THSD7B: variants seen among roughly 807,000 people sequenced by gnomAD.
The protein encoded by THSD7B is thrombospondin type-1 domain-containing protein 7B.
THSD7B carries 138 observed loss-of-function variants against 213.6 expected under a neutral mutation model. That is an observed-to-expected ratio of 0.65 (90% CI 0.56 to 0.74). THSD7B has a LOEUF of 0.74. Among genes scored for constraint, THSD7B ranks in the 30% least tolerant of loss-of-function variants. The pLI is 0.00. For synonymous variants in THSD7B, 742 were observed against 687.0 expected, an observed-to-expected ratio of 1.08 and a Z score of -1.25; for missense variants, 1,931 against 1,991.5, an observed-to-expected ratio of 0.97 and a Z score of 0.58.
chr2:136,917,680 A>C (rs1056322678), intron 2 of THSD7B, among the ~76,000 whole-genome samples: 4 of 152,174 alleles, frequency 2.6e-5, no homozygotes, highest in African/African-American at 7.2e-5. Context: ...ACATCATATA[A>C]ATTATTTAAG....
chr2:137,008,488 A>G (rs1320534017), intron 2 of THSD7B, among the ~76,000 whole-genome samples: 2 of 152,182 alleles, frequency 1.3e-5, no homozygotes, highest in African/African-American at 4.8e-5. Context: ...TTTATGACCT[A>G]TTGGACAATC....
intron 17 of THSD7B, among the ~76,000 whole-genome samples, chr2:137,592,577 A>G (rs1416476405): frequency 1.3e-5 from 2 of 151,864 alleles, no homozygotes; most frequent in Non-Finnish European, 2.9e-5. Flanking sequence ...TTATTCCTAA[A>G]TCACTTCTCA....
chr2:136,895,989 A>G (rs1683953077), intron 2 of THSD7B, among the ~76,000 whole-genome samples: 1 of 152,234 alleles, frequency 6.6e-6, no homozygotes, highest in Admixed American at 6.5e-5. Flanking sequence ...TGGATATAAC[A>G]CATTTAAAAA....
chr2:136,792,765 T>C (rs1465974657), intron 1 of THSD7B, among the ~76,000 whole-genome samples: 1 of 152,044 alleles, frequency 6.6e-6, no homozygotes, highest in East Asian at 1.9e-4. Flanking sequence ...AAATAACCAT[T>C]GATCTTTTTC....
chr2:137,544,815 T>G (rs1680677378), intron 15 of THSD7B, among the ~76,000 whole-genome samples: 2 of 151,832 alleles, frequency 1.3e-5, no homozygotes. Flanking sequence ...AAAGACTTCT[T>G]TTTTTGGAGG....
chr2:137,520,782 A>G (rs1173083137), intron 15 of THSD7B, among the ~76,000 whole-genome samples: 1 of 152,264 alleles, frequency 6.6e-6, no homozygotes, highest in Non-Finnish European at 1.5e-5. Flanking sequence ...ATTCAACATT[A>G]AATTGCAATT....
chr2:137,160,367 AGGTGAGT>A lies in THSD7B; in HGVS notation c.1525+1_1525+7del. The A allele has an allele frequency of 6.2e-7, 1 of 1,611,374 alleles. No homozygotes were observed. The highest frequency in any genetic ancestry group is 1.1e-5 in the South Asian group (1 of 90,462). ...ACTGTCATGATCCTCAGGGGAAAAA[AGGTGAGT>A]GCCTTGTTTGCATGCGCTTCATTTG... On this transcript the variant is annotated splice_donor_variant and splice_donor_5th_base_variant and coding_sequence_variant and intron_variant, in exon 6 of 28. Coordinates refer to ENST00000409968, the MANE Select transcript of THSD7B (RefSeq NM_001316349.2). LOFTEE classifies it high-confidence loss of function.
intron 1 of THSD7B, among the ~76,000 whole-genome samples, chr2:136,786,442 A>G (rs1012734511): frequency 1.3e-5 from 2 of 151,790 alleles, no homozygotes; most frequent in Non-Finnish European, 2.9e-5. Flanking sequence ...AGAGCTGCCT[A>G]TTTTTTAATG....
chr2:137,439,231 G>C (rs1241120997), intron 14 of THSD7B, among the ~76,000 whole-genome samples: 1 of 151,982 alleles, frequency 6.6e-6, no homozygotes, highest in Non-Finnish European at 1.5e-5. Flanking sequence ...AGCAGTTCTA[G>C]AAAACTAACA....
chr2:137,146,964 G>A (rs1163373539), intron 5 of THSD7B, among the ~76,000 whole-genome samples: 29 of 152,050 alleles, frequency 1.9e-4, no homozygotes, highest in Admixed American at 1.6e-3. Flanking sequence ...TTGTCAATTG[G>A]CTTGTCAAAA....
chr2:137,402,533 C>T (rs1001226741), intron 12 of THSD7B, among the ~76,000 whole-genome samples: 2 of 151,960 alleles, frequency 1.3e-5, no homozygotes, highest in African/African-American at 4.8e-5. Flanking sequence ...TATTTATATA[C>T]ATCAAGCACA....
Position 137,056,900 on chromosome 2 carries a change from T to C in THSD7B, c.620T>C (p.Ile207Thr), listed in dbSNP as rs1472577978. The C allele has an allele frequency of 6.2e-7, 1 of 1,613,884 alleles. No individual in the cohort carries two copies. The highest frequency in any genetic ancestry group is 8.5e-7 in the Non-Finnish European group (1 of 1,179,874). The change falls in exon 3 of 28, where the codon ATA becomes ACA. Residue 207 changes from isoleucine to threonine, a missense_variant. Transcript: ENST00000409968. ...KKLQHRTRAV[I>T]APPLFGGLQC... ...TTGCAGCATAGAACTCGCGCGGTCA[T>C]AGCTCCCCCTCTCTTTGGTGGTTTG...
chr2:136,857,346 G>T (rs1683193014), intron 1 of THSD7B, among the ~76,000 whole-genome samples: 1 of 152,116 alleles, frequency 6.6e-6, no homozygotes, highest in Admixed American at 6.5e-5. Context: ...GATCCCACTG[G>T]GACTGTGCAC....
chr2:137,625,475 T>TAAA (rs903341426), intron 20 of THSD7B, among the ~76,000 whole-genome samples: 5 of 148,000 alleles, frequency 3.4e-5, no homozygotes, highest in African/African-American at 2.5e-5. Flanking sequence ...GAAGTATAAT[T>TAAA]AAAAAAAAAA....
intron 3 of THSD7B, among the ~76,000 whole-genome samples, chr2:137,080,800 C>A (rs1687732949): frequency 6.6e-6 from 1 of 151,994 alleles, no homozygotes; most frequent in Non-Finnish European, 1.5e-5. Context: ...AGTCCTGACC[C>A]CATTCTCATT....
chr2:136,774,201 C>A (rs541937811), intron 1 of THSD7B, among the ~76,000 whole-genome samples: 1 of 152,086 alleles, frequency 6.6e-6, no homozygotes, highest in Non-Finnish European at 1.5e-5. Context: ...TAAAAGTAAC[C>A]TTTAACTAAG....
At position 137,257,039 on chromosome 2, in the gene THSD7B, G is replaced by A. The variant is rs114132663; in HGVS notation, c.2266+14467G>A. Among the ~76,000 whole-genome samples the A allele has an allele frequency of 3.9e-3, 598 of 152,212 alleles. 3 individuals are homozygous for A. Among genetic ancestry groups the A allele is most frequent in the African/African-American group, 0.014 (578 of 41,540 alleles). On this transcript the variant is annotated intron_variant, in intron 10 of 27. Coordinates refer to ENST00000409968, the MANE Select transcript of THSD7B (RefSeq NM_001316349.2). ...GTGAAGGGTTGATCATGTGAACTTA[G>A]GTCTTTCTTTGGCATCTTATAAAGC...
chr2:137,382,106 C>T (rs973906981), intron 12 of THSD7B, among the ~76,000 whole-genome samples: 5 of 152,244 alleles, frequency 3.3e-5, no homozygotes, highest in East Asian at 1.9e-4. Context: ...AGTACCACTA[C>T]GTGGTGGACT....
At chr2:137,047,223 C>G (rs1285436820) in intron 2 of THSD7B, among the ~76,000 whole-genome samples, 2 of 152,084 alleles carry the variant, frequency 1.3e-5, no homozygotes, top group East Asian at 1.9e-4. Flanking sequence ...GATGAAGAAA[C>G]TGGGGCAGAG....
Sources: allele counts gnomAD v4.1 joint callset (sites outside exome capture counted in the v4.1 genomes callset), GRCh38; gene constraint gnomAD v4.1.1; transcripts MANE v1.5; gene names NCBI Gene and HGNC (gene_info 2026-07-23, HGNC 2026-07-21).